The following PCDH15 variants were observed in gnomAD, a reference collection of about 807,000 sequenced individuals.
PCDH15 encodes protocadherin related 15.
A neutral mutation model predicts 178.5 loss-of-function variants in PCDH15; 129 were observed. The observed-to-expected ratio is 0.72, with a 90% CI of 0.63 to 0.84. The LOEUF (loss-of-function observed/expected upper bound fraction) is 0.84. Among genes scored for constraint, PCDH15 ranks in the 40% least tolerant of loss-of-function variants. The probability of loss-of-function intolerance (pLI) is 0.00; values close to 1 mark genes in which losing one functional copy is unlikely to be tolerated. For missense variants in PCDH15, 2,230 were observed against 2,099.9 expected, an observed-to-expected ratio of 1.06 and a Z score of -1.21; for synonymous variants, 800 against 732.0, an observed-to-expected ratio of 1.09 and a Z score of -1.50.
At chr10:55,426,745 C>T (rs553516639) in intron 2 of PCDH15, among the ~76,000 whole-genome samples, 15 of 152,196 alleles carry the variant, frequency 9.9e-5, no homozygotes, top group East Asian at 1.9e-4. Context: ...ATGGTAAATG[C>T]GGATGATTTT....
Position 55,354,087 on chromosome 10 carries a change from T to C in PCDH15, c.-155-187436A>G, listed in dbSNP as rs139329129. ...GTCTGATTTTTGGGGAAACCAAGAA[T>C]AGAGTTGGAGCCACATAGTGATAGT... On this transcript the variant is annotated intron_variant, in intron 2 of 5. Transcript: ENST00000613346. 4.8e-3 allele frequency among the ~76,000 whole-genome samples: 730 copies of C among 152,148 alleles called. 10 individuals are homozygous for C. The highest frequency in any genetic ancestry group is 0.016 in the African/African-American group (684 of 41,534).
chr10:55,199,660 C>T (rs1840188012), intron 1 of PCDH15, among the ~76,000 whole-genome samples: 1 of 152,114 alleles, frequency 6.6e-6, no homozygotes, highest in Admixed American at 6.5e-5. Flanking sequence ...GTGGCAGCCC[C>T]TCCCATCACA....
intron 1 of PCDH15, among the ~76,000 whole-genome samples, chr10:54,800,348 C>T (rs1373085720): frequency 6.6e-6 from 1 of 152,162 alleles, no homozygotes; most frequent in East Asian, 1.9e-4. Flanking sequence ...ATGGTTAATG[C>T]TTCCAGATAC....
intron 2 of PCDH15, among the ~76,000 whole-genome samples, chr10:55,591,875 A>T (rs1842848697): frequency 6.6e-6 from 1 of 152,132 alleles, no homozygotes; most frequent in South Asian, 2.1e-4. Flanking sequence ...AAATACTAAG[A>T]TATACTGTAT....
At chr10:55,556,182 C>T (rs751976380) in intron 2 of PCDH15, among the ~76,000 whole-genome samples, 4 of 151,870 alleles carry the variant, frequency 2.6e-5, no homozygotes, top group South Asian at 2.1e-4. Flanking sequence ...ATAATTACAC[C>T]GTTACTTATT....
At chr10:55,495,599 T>C (rs1840515368) in intron 2 of PCDH15, among the ~76,000 whole-genome samples, 1 of 151,840 alleles carries the variant, frequency 6.6e-6, no homozygotes, top group African/African-American at 2.4e-5. Context: ...TAATAACTTG[T>C]GTGCTCCATG....
chr10:54,582,150 G>T (rs1381128140), intron 2 of PCDH15, among the ~76,000 whole-genome samples: 1 of 151,948 alleles, frequency 6.6e-6, no homozygotes, highest in South Asian at 2.1e-4. Context: ...TAGATAACCT[G>T]CAGAATGGGA....
intron 2 of PCDH15, among the ~76,000 whole-genome samples, chr10:55,086,421 T>A (rs895646954): frequency 4.6e-5 from 7 of 152,126 alleles, no homozygotes; most frequent in Non-Finnish European, 8.8e-5. Flanking sequence ...TTATCCATAG[T>A]CAAAAATTAT....
At chr10:55,197,965 A>G (rs192818827) in intron 1 of PCDH15, among the ~76,000 whole-genome samples, 45 of 152,292 alleles carry the variant, frequency 3.0e-4, no homozygotes, top group African/African-American at 8.4e-4. Context: ...AAGGCTGAAT[A>G]TAATGTGCTG....
At chr10:54,602,525 G>A (rs10825366) in intron 2 of PCDH15, among the ~76,000 whole-genome samples, 18,400 of 151,928 alleles carry the variant, frequency 0.12, 1,289 homozygotes, top group Middle Eastern at 0.17. Flanking sequence ...AGTGGCAAGA[G>A]CAGGAAATCT....
intron 26 of PCDH15, among the ~76,000 whole-genome samples, chr10:53,878,138 T>A (rs1193077113): frequency 6.7e-6 from 1 of 149,028 alleles, no homozygotes; most frequent in African/African-American, 2.5e-5. Context: ...AAATGTCTTT[T>A]GTCTGCTAGG....
chr10:54,467,745 G>T (rs1481243412), intron 3 of PCDH15, among the ~76,000 whole-genome samples: 1 of 151,100 alleles, frequency 6.6e-6, no homozygotes, highest in Non-Finnish European at 1.5e-5. Flanking sequence ...GAGAAATGGT[G>T]TTAGATCTTC....
chr10:54,097,223 T>C (rs193142569), intron 15 of PCDH15, among the ~76,000 whole-genome samples: 1 of 152,342 alleles, frequency 6.6e-6, no homozygotes, highest in Admixed American at 6.5e-5. Context: ...TTTTTAACTG[T>C]ACCTAATTTC....
chr10:55,288,282 T>A (rs1371873599), intron 1 of PCDH15, among the ~76,000 whole-genome samples: 1 of 151,126 alleles, frequency 6.6e-6, no homozygotes, highest in South Asian at 2.1e-4. Context: ...ATGTTCATAT[T>A]CAAAATTAAA....
At chr10:54,853,318 T>TATATAC (rs1194965974) in intron 3 of PCDH15, among the ~76,000 whole-genome samples, 4,468 of 101,454 alleles carry the variant, frequency 0.044, 141 homozygotes, top group Admixed American at 0.057. Context: ...TATATATATA[T>TATATAC]ACATACACAC....
intron 2 of PCDH15, among the ~76,000 whole-genome samples, chr10:54,918,556 C>A (rs1203534939): frequency 1.3e-5 from 2 of 152,100 alleles, no homozygotes; most frequent in East Asian, 3.9e-4. Context: ...TTTGTGGCAG[C>A]ACTAACATGA....
chr10:53,943,127 G>T (rs2086214426), intron 23 of PCDH15, among the ~76,000 whole-genome samples: 1 of 152,030 alleles, frequency 6.6e-6, no homozygotes, highest in Non-Finnish European at 1.5e-5. Context: ...TCATCTGTTT[G>T]CTATTCCTTA....
chr10:54,860,965 G>T (rs371455471), intron 3 of PCDH15, among the ~76,000 whole-genome samples: 49 of 152,182 alleles, frequency 3.2e-4, no homozygotes, highest in African/African-American at 1.1e-3. Flanking sequence ...TTAATGGTAT[G>T]TTTTAATTTA....
intron 2 of PCDH15, among the ~76,000 whole-genome samples, chr10:55,159,659 T>C (rs1014696371): frequency 6.8e-6 from 1 of 147,724 alleles, no homozygotes; most frequent in Non-Finnish European, 1.5e-5. Context: ...GATAAAGAGA[T>C]ATAATTATAT....
Sources: gnomAD v4.1 joint callset for allele counts (sites outside exome capture counted in the v4.1 genomes callset) on GRCh38, gnomAD v4.1.1 for gene constraint, MANE v1.5 for transcripts, NCBI Gene and HGNC (gene_info 2026-07-23, HGNC 2026-07-21) for gene names.